RGL3: variants seen among roughly 807,000 people sequenced by gnomAD.
RGL3 encodes ral guanine nucleotide dissociation stimulator-like 3.
RGL3 carries 85 observed loss-of-function variants against 90.6 expected under a neutral mutation model. The ratio of observed to expected loss-of-function variants is 0.94; its 90% CI spans 0.79 to 1.12. The LOEUF (loss-of-function observed/expected upper bound fraction) is 1.12. Among genes scored for constraint, RGL3 ranks in the 50% most tolerant of loss-of-function variants. The probability of loss-of-function intolerance (pLI) is 0.00; values close to 1 mark genes in which losing one functional copy is unlikely to be tolerated. For synonymous variants in RGL3, 408 were observed against 385.5 expected (o/e 1.06, Z -0.68); for missense variants, 1,034 against 939.2 (o/e 1.10, Z -1.32).
At chr19:11,412,718 G>A (rs1293052852) in intron 5 of RGL3, among the ~76,000 whole-genome samples, 1 of 152,030 alleles carries the variant, frequency 6.6e-6, no homozygotes, top group Admixed American at 6.6e-5. Flanking sequence ...TGTAATCCCA[G>A]CACTTTGGGA....
At chr19:11,414,505 A>ACCTT (rs1968954518) in intron 5 of RGL3, among the ~76,000 whole-genome samples, 1 of 98,194 alleles carries the variant, frequency 1.0e-5, no homozygotes, top group South Asian at 2.9e-4. Flanking sequence ...ATATATATAT[A>ACCTT]TATATATATA....
Position 11,416,088 on chromosome 19 carries a change from G to A in RGL3, c.486C>T (p.His162=), listed in dbSNP as rs1360493521. Residue 162 remains histidine, a synonymous_variant, in exon 5 of 19, where the codon CAC becomes CAT. Transcript: ENST00000380456. ...CACTGCCCAGGTCCGAATGGGCAGG[G>A]TGGTCTCGGAAATCCTGAGGGTGGT... ...LQDHPQDFRD[H]PAHSDLGSVR... The A allele has an allele frequency of 1.2e-6, 2 of 1,609,342 alleles. No homozygotes were observed. The highest frequency in any genetic ancestry group is 8.5e-7 in the Non-Finnish European group (1 of 1,178,238).
Position 11,397,225 on chromosome 19 carries a change from C to T in RGL3, c.2014+19G>A, listed in dbSNP as rs1968589400. On this transcript the variant is annotated intron_variant, in intron 18 of 18. Transcript: ENST00000380456. ...TCCCCGCTGCCCCCTATCCTGAGCT[C>T]CAACCCATCCCTGCTCACCCCGGTC... The T allele has an allele frequency of 1.2e-6, 2 of 1,608,924 alleles. No individual in the cohort carries two copies. Among genetic ancestry groups the T allele is most frequent in the Non-Finnish European group, 1.7e-6 (2 of 1,175,854 alleles).
In RGL3 at chr19:11,409,223, G is replaced by GTAA. The variant is rs548050142; in HGVS notation, c.638-2362_638-2360dup. 2.0e-4 allele frequency among the ~76,000 whole-genome samples: 30 copies of GTAA among 151,686 alleles called. No individual in the cohort carries two copies. In the South Asian group the frequency reaches 5.2e-3, roughly 26 times the overall value. ...AGGCCGGGGGCAGTGGCTCACGCCT[G>GTAA]TAATCCCAGCACTTTGGGAGGCCAA... On this transcript the variant is annotated intron_variant, in intron 5 of 18. Coordinates refer to ENST00000380456, the MANE Select transcript of RGL3 (RefSeq NM_001035223.4).
At position 11,394,226 on chromosome 19, in the gene RGL3, A is replaced by G; in HGVS notation, c.*176T>C. 1.6e-6 allele frequency: 1 copy of G among 617,340 alleles called. No homozygotes were observed. The highest frequency in any genetic ancestry group is 2.7e-5 in the East Asian group (1 of 36,510). The allele number at this position is 617,340 out of a possible 1,614,324, so 38.2% of individuals were successfully genotyped here. ...CCACCCATGGGCTGATGTCTTTGGAATATGGATCTAGTACCAACAGAGTCA... is the reference window on the plus strand; with the variant it reads ...CCACCCATGGGCTGATGTCTTTGGAGTATGGATCTAGTACCAACAGAGTCA... On this transcript the variant is annotated 3_prime_UTR_variant, in exon 19 of 19. Transcript: ENST00000380456.
chr19:11,405,769 C>T (rs1335629849), intron 7 of RGL3, among the ~76,000 whole-genome samples: 2 of 151,316 alleles, frequency 1.3e-5, no homozygotes, highest in Admixed American at 1.3e-4. Flanking sequence ...GATCTCGAGT[C>T]ACTGCAACCT....
chr19:11,399,683 C>T (rs537967477), intron 16 of RGL3, among the ~76,000 whole-genome samples, 172 bp downstream of exon 16: 5 of 152,302 alleles, frequency 3.3e-5, no homozygotes, highest in South Asian at 4.1e-4. Flanking sequence ...CAAACAGGGC[C>T]GTGCAGATGC....
intron 5 of RGL3, among the ~76,000 whole-genome samples, chr19:11,415,193 A>G (rs1168343254): frequency 6.6e-6 from 1 of 151,938 alleles, no homozygotes; most frequent in African/African-American, 2.4e-5. Context: ...ATTCAAAAAT[A>G]AGAAAAATTT....
chr19:11,396,344 A>C (rs1968572738), intron 18 of RGL3, among the ~76,000 whole-genome samples: 1 of 146,862 alleles, frequency 6.8e-6, no homozygotes, highest in African/African-American at 2.5e-5. Context: ...ATTTTTTTGT[A>C]TTTTTAGTAG....
chr19:11,415,968 C>T lies in RGL3; in HGVS notation c.606G>A (p.Glu202=). Residue 202 remains glutamate (E), a synonymous_variant, in exon 5 of 19, where the codon GAG becomes GAA. Transcript: ENST00000380456. ...ACACCTGAGGCGGCTCCTCTTCCTG[C>T]TCTCGCTCAGCCTCCTCCAAAAAAT... ...LEDFLEEAER[E]QEEEPPQVWT... is the part of the protein sequence containing the mutation. 4.3e-6 allele frequency: 7 copies of T among 1,613,914 alleles called. No individual in the cohort carries two copies. The highest frequency in any genetic ancestry group is 5.9e-6 in the Non-Finnish European group (7 of 1,179,938).
intron 5 of RGL3, among the ~76,000 whole-genome samples, chr19:11,414,354 TAC>T (rs1428266564): frequency 4.2e-5 from 5 of 120,444 alleles, no homozygotes; most frequent in Non-Finnish European, 6.7e-5. Context: ...TATATATATA[TAC>T]CTTTATATAT....
Position 11,406,787 on chromosome 19 carries a change from G to A in RGL3, c.715C>T (p.Gln239Ter). The A allele has an allele frequency of 6.2e-7, 1 of 1,614,060 alleles. No homozygotes were observed. Among genetic ancestry groups the A allele is most frequent in the Non-Finnish European group, 8.5e-7 (1 of 1,180,040 alleles). Residue 239 changes from glutamine to a stop codon, truncating the protein, a stop_gained, in exon 6 of 19, where the codon CAA becomes TAA. Transcript: ENST00000380456. LOFTEE classifies it high-confidence loss of function. ...CAEEEEGLMP[Q>*]GPQLLDFSVD... is the part of the protein sequence containing the mutation. ...CTGAAGTCCAGGAGCTGGGGACCTT[G>A]AGGCATGAGCCCTTCCTCTTCCTCC...
Position 11,416,678 on chromosome 19 carries a change from GC to G in RGL3, c.372-12del, listed in dbSNP as rs1335795562. The G allele has an allele frequency of 1.2e-6, 2 of 1,613,566 alleles. No individual in the cohort carries two copies. Among genetic ancestry groups the G allele is most frequent in the South Asian group, 1.1e-5 (1 of 91,064 alleles). On this transcript the variant is annotated splice_polypyrimidine_tract_variant and intron_variant, in intron 3 of 18. Coordinates refer to ENST00000380456, the MANE Select transcript of RGL3 (RefSeq NM_001035223.4). ...TTCTTGATCTCTACCCTGGGAAGAG[GC>G]CCCCCAGCAGGTGAAGAAGGGGGAA...
chr19:11,414,203 A>ATATACCTT (rs1968929577), intron 5 of RGL3, among the ~76,000 whole-genome samples: 2 of 105,778 alleles, frequency 1.9e-5, no homozygotes, highest in African/African-American at 7.8e-5. Context: ...ACCTTTATAT[A>ATATACCTT]TATATATACC....
Position 11,409,436 on chromosome 19 carries a change from A to G in RGL3, c.638-2572T>C, listed in dbSNP as rs535675354. 2.0e-4 allele frequency among the ~76,000 whole-genome samples: 31 copies of G among 152,258 alleles called. No individual in the cohort carries two copies. In the South Asian group the frequency reaches 5.2e-3, roughly 25 times the overall value. Reference sequence around the variant, plus strand: ...GCGGAGCTTGCAGTAAGCCGAGATCATGCCACTGCACTCCAGCCTGGGCGA... The same window carrying G: ...GCGGAGCTTGCAGTAAGCCGAGATCGTGCCACTGCACTCCAGCCTGGGCGA... On this transcript the variant is annotated intron_variant, in intron 5 of 18. Coordinates refer to ENST00000380456, the MANE Select transcript of RGL3 (RefSeq NM_001035223.4).
Position 11,415,814 on chromosome 19 carries a change from G to A in RGL3, c.637+123C>T, listed in dbSNP as rs1279317359. On this transcript the variant is annotated intron_variant, in intron 5 of 18. Coordinates refer to ENST00000380456, the MANE Select transcript of RGL3 (RefSeq NM_001035223.4). ...TCCCCATTGTAAAGATGAAGAAATT[G>A]AGGCTTAGAGTTTAAAATCTTGCTT... The A allele has an allele frequency of 3.4e-6, 3 of 873,274 alleles. No homozygotes were observed. The African/African-American group carries it at 5.1e-5, about 15-fold the overall frequency. The allele number at this position is 873,274 out of a possible 1,614,324, so 54.1% of individuals were successfully genotyped here.
At chr19:11,396,100 ATC>A (rs66711304) in intron 18 of RGL3, among the ~76,000 whole-genome samples, 1,967 of 33,686 alleles carry the variant, frequency 0.058, 101 homozygotes, top group East Asian at 0.095. Flanking sequence ...TGCTCAGCTA[ATC>A]TCTCTCTCTC....
Position 11,417,005 on chromosome 19 carries a change from C to T in RGL3, c.202G>A (p.Val68Met). ...FLHYRTSKVR[V>M]LRAARLERLV... ...CGCTCCAGGCGCGCTGCCCTCAGCA[C>T]CCTCACCTTGCTGGTTCGATAGTGG... Residue 68 changes from valine (V) to methionine (M), a missense_variant, in exon 3 of 19, where the codon GTG becomes ATG. Physicochemically the swap from Val to Met is conservative, Grantham distance 21. Coordinates refer to ENST00000380456, the MANE Select transcript of RGL3 (RefSeq NM_001035223.4). 2 of 1,613,568 alleles carry T rather than the reference C, an allele frequency of 1.2e-6. No individual in the cohort carries two copies. The highest frequency in any genetic ancestry group is 1.1e-5 in the South Asian group (1 of 91,024).
chr19:11,409,116 G>A (rs1009217059), intron 5 of RGL3, among the ~76,000 whole-genome samples: 2 of 151,454 alleles, frequency 1.3e-5, no homozygotes, highest in Admixed American at 1.3e-4. Flanking sequence ...GGAGGTTGCA[G>A]TGAGCCAGGT....
Sources: gnomAD v4.1 joint callset for allele counts (sites outside exome capture counted in the v4.1 genomes callset) on GRCh38, gnomAD v4.1.1 for gene constraint, MANE v1.5 for transcripts, NCBI Gene and HGNC (gene_info 2026-07-23, HGNC 2026-07-21) for gene names.